Variants in IPO7 observed in about 807,000 individuals in gnomAD.
IPO7 encodes importin 7, also known as importin-7.
A neutral mutation model predicts 136.4 loss-of-function variants in IPO7; 13 were observed. The ratio of observed to expected loss-of-function variants is 0.10; its 90% CI spans 0.06 to 0.15. The LOEUF is 0.15. IPO7 is among the 10% of genes least tolerant of loss of function. IPO7 has a pLI of 1.00. For synonymous variants in IPO7, 403 were observed against 404.4 expected (o/e 1.00, Z 0.04); for missense variants, 857 against 1,240.6 (o/e 0.69, Z 4.65).
rs897380477 is a variant in IPO7, at chr11:9,447,685, G to A, written c.*2491G>A. On this transcript the variant is annotated 3_prime_UTR_variant, in exon 25 of 25. Coordinates refer to ENST00000379719, the MANE Select transcript of IPO7 (RefSeq NM_006391.3). ...TAGAAGTTAATTCTGATTTTGTGTGGATTTCAGTATTTGTCTTTGTTAATG... is the reference window on the plus strand; with the variant it reads ...TAGAAGTTAATTCTGATTTTGTGTGAATTTCAGTATTTGTCTTTGTTAATG... The A allele has an allele frequency of 3.3e-5, 5 of 151,720 alleles. No homozygotes were observed. The highest frequency in any genetic ancestry group is 1.2e-4 in the African/African-American group (5 of 41,288). 9.4% of individuals were successfully genotyped at this position (151,720 alleles called of 1,614,324 possible). A position where few individuals can be genotyped will look rare whatever the true frequency, so the allele number is the denominator to read the frequency against.
At chr11:9,389,337 C>T (rs982471597) in intron 1 of IPO7, among the ~76,000 whole-genome samples, 5 of 152,202 alleles carry the variant, frequency 3.3e-5, no homozygotes, top group African/African-American at 1.2e-4. Flanking sequence ...GCATGAGCCA[C>T]CACACCAGCC....
chr11:9,431,100 C>T (rs370171945), intron 16 of IPO7, 97 bp downstream of exon 16: 7 of 909,496 alleles, frequency 7.7e-6, no homozygotes, highest in East Asian at 5.0e-5. Context: ...ATGTTTTTGC[C>T]ATTTTCCCTT....
At chr11:9,432,587 T>G (rs550072087) in intron 16 of IPO7, among the ~76,000 whole-genome samples, 1 of 151,160 alleles carries the variant, frequency 6.6e-6, no homozygotes, top group African/African-American at 2.5e-5. Flanking sequence ...TTTAACAGAT[T>G]AATTGTTTAT....
At chr11:9,401,333 G>A (rs1383431561) in intron 1 of IPO7, among the ~76,000 whole-genome samples, 1 of 152,066 alleles carries the variant, frequency 6.6e-6, no homozygotes, top group Non-Finnish European at 1.5e-5. Flanking sequence ...GAAGGGATTT[G>A]ACTTGAATGT....
chr11:9,396,663 G>T (rs959842632), intron 1 of IPO7, among the ~76,000 whole-genome samples: 3 of 152,070 alleles, frequency 2.0e-5, no homozygotes, highest in African/African-American at 7.2e-5. Flanking sequence ...TCATGTAATT[G>T]GAATCATACA....
chr11:9,394,747 A>G (rs770033552), intron 1 of IPO7, among the ~76,000 whole-genome samples: 2 of 152,162 alleles, frequency 1.3e-5, no homozygotes, highest in Admixed American at 6.5e-5. Context: ...ACATAACTTC[A>G]TACTGATCTT....
intron 16 of IPO7, among the ~76,000 whole-genome samples, chr11:9,432,551 T>C (rs928369013): frequency 6.6e-5 from 10 of 152,234 alleles, no homozygotes; most frequent in African/African-American, 2.4e-4. Flanking sequence ...GCAGAAGCCA[T>C]GACCAATCCT....
chr11:9,402,914 G>C (rs1354965355), intron 1 of IPO7: 2 of 222,336 alleles, frequency 9.0e-6, no homozygotes, highest in African/African-American at 4.8e-5. Context: ...TCAGCTACCC[G>C]GGAGGCTGAG....
chr11:9,418,846 G>A (rs1855081439), intron 6 of IPO7, among the ~76,000 whole-genome samples: 1 of 152,152 alleles, frequency 6.6e-6, no homozygotes, highest in South Asian at 2.1e-4. Flanking sequence ...CGGCACAATA[G>A]ATTTAATCTG....
intron 2 of IPO7, among the ~76,000 whole-genome samples, chr11:9,404,605 G>A (rs1481746500): frequency 9.1e-6 from 1 of 109,570 alleles, no homozygotes; most frequent in East Asian, 2.7e-4. Context: ...TCGCTCTGTT[G>A]CCCAGGCTGT....
chr11:9,421,871 G>A (rs1003545886), intron 8 of IPO7, among the ~76,000 whole-genome samples: 1 of 152,026 alleles, frequency 6.6e-6, no homozygotes, highest in Non-Finnish European at 1.5e-5. Flanking sequence ...GTGAACCTGG[G>A]GGGTGCAGCT....
intron 6 of IPO7, among the ~76,000 whole-genome samples, chr11:9,419,239 A>C (rs922669266): frequency 5.3e-5 from 8 of 152,106 alleles, no homozygotes; most frequent in African/African-American, 1.9e-4. Context: ...TCACTTCCTT[A>C]TCCTACTTAA....
At chr11:9,396,245 TTAGCTGGGCG>T (rs1255984737) in intron 1 of IPO7, among the ~76,000 whole-genome samples, 1 of 151,762 alleles carries the variant, frequency 6.6e-6, no homozygotes, top group Non-Finnish European at 1.5e-5. Flanking sequence ...AATACAAAAA[TTAGCTGGGCG>T]TAGCAGCACA....
intron 1 of IPO7, among the ~76,000 whole-genome samples, chr11:9,387,190 T>C (rs1468037069): frequency 6.6e-6 from 1 of 152,230 alleles, no homozygotes; most frequent in Non-Finnish European, 1.5e-5. Flanking sequence ...GAAGCTGTGT[T>C]TTGGTTCATT....
chr11:9,446,287 GT>G lies in IPO7; in HGVS notation c.*1098del, dbSNP rs1216732862. ...ATAACAAATTTTTCCTCATTGGCCTGTTTTTAATCCTGTGCCTAGAAGGAGT... is the reference window on the plus strand; with the variant it reads ...ATAACAAATTTTTCCTCATTGGCCTGTTTTAATCCTGTGCCTAGAAGGAGT... On this transcript the variant is annotated 3_prime_UTR_variant, in exon 25 of 25. Coordinates refer to ENST00000379719, the MANE Select transcript of IPO7 (RefSeq NM_006391.3). 1.3e-5 allele frequency: 2 copies of G among 152,124 alleles called. No individual in the cohort carries two copies. Among genetic ancestry groups the G allele is most frequent in the Non-Finnish European group, 2.9e-5 (2 of 68,016 alleles). 9.4% of individuals were successfully genotyped at this position (152,124 alleles called of 1,614,324 possible).
intron 12 of IPO7, 66 bp downstream of exon 12, chr11:9,425,328 A>ACTGTGCCTGGCT: frequency 1.1e-6 from 1 of 942,090 alleles, no homozygotes; most frequent in Non-Finnish European, 1.7e-6. Flanking sequence ...ATAGCCAGCC[A>ACTGTGCCTGGCT]GGCACAGTGG....
At chr11:9,385,815 C>T (rs938510826) in intron 1 of IPO7, among the ~76,000 whole-genome samples, 3 of 152,036 alleles carry the variant, frequency 2.0e-5, no homozygotes, top group Non-Finnish European at 4.4e-5. Flanking sequence ...CAGTGTCATT[C>T]TTTGTTTCTA....
intron 2 of IPO7, 111 bp downstream of exon 2, chr11:9,403,482 A>T: frequency 1.4e-6 from 1 of 730,176 alleles, no homozygotes; most frequent in African/African-American, 1.8e-5. Flanking sequence ...CCCCCCAGGT[A>T]ATTTGTTTAC....
intron 22 of IPO7, among the ~76,000 whole-genome samples, chr11:9,440,041 G>A (rs1299005205): frequency 6.6e-6 from 1 of 152,056 alleles, no homozygotes; most frequent in Non-Finnish European, 1.5e-5. Flanking sequence ...TTATCTATAA[G>A]ACTGTACACT....
Sources: allele counts gnomAD v4.1 joint callset (sites outside exome capture counted in the v4.1 genomes callset), GRCh38; gene constraint gnomAD v4.1.1; transcripts MANE v1.5; gene names NCBI Gene and HGNC (gene_info 2026-07-23, HGNC 2026-07-21).